SGCD: variants seen among roughly 807,000 people sequenced by gnomAD.
SGCD encodes delta-sarcoglycan.
In SGCD, 18 loss-of-function variants were observed where a neutral mutation model predicts 36.6. That is an observed-to-expected ratio of 0.49 (90% CI 0.34 to 0.73). The LOEUF is 0.73. SGCD is among the 30% of genes least tolerant of loss of function. The probability of loss-of-function intolerance (pLI) is 0.01; values close to 1 mark genes in which losing one functional copy is unlikely to be tolerated. For missense variants in SGCD, 387 were observed against 346.7 expected (o/e 1.12, Z -0.92); for synonymous variants, 133 against 130.6 (o/e 1.02, Z -0.12).
At chr5:155,771,212 T>C in the SGCD span, among the ~76,000 whole-genome samples, 5 of 152,078 alleles carry the variant, frequency 3.3e-5, no homozygotes, top group Non-Finnish European at 7.4e-5. Context: ...CCCTGCCATG[T>C]TGCAACTCTC....
chr5:156,500,606 A>G (rs1309410764), intron 3 of SGCD, among the ~76,000 whole-genome samples: 1 of 152,246 alleles, frequency 6.6e-6, no homozygotes, highest in East Asian at 1.9e-4. Flanking sequence ...AGATTTTATT[A>G]GTGGGAAAAA....
chr5:156,105,669 A>G (rs1761628291), intron 1 of SGCD, among the ~76,000 whole-genome samples: 1 of 152,180 alleles, frequency 6.6e-6, no homozygotes, highest in African/African-American at 2.4e-5. Flanking sequence ...ACGTGTAATC[A>G]AGTAAATTAT....
At chr5:156,376,017 T>C (rs954365094) in intron 3 of SGCD, among the ~76,000 whole-genome samples, 5 of 152,206 alleles carry the variant, frequency 3.3e-5, no homozygotes, top group African/African-American at 4.8e-5. Flanking sequence ...CAGTTATAGA[T>C]AGAAGATCAG....
the SGCD span, among the ~76,000 whole-genome samples, chr5:155,843,529 C>T: frequency 2.0e-5 from 3 of 152,192 alleles, no homozygotes; most frequent in African/African-American, 7.2e-5. Flanking sequence ...GCTGAATTGT[C>T]CTCACTTTAA....
chr5:155,915,914 T>G (rs1580988938), intron 1 of SGCD, among the ~76,000 whole-genome samples: 1 of 152,186 alleles, frequency 6.6e-6, no homozygotes, highest in Admixed American at 6.5e-5. Context: ...GTGGGTACGA[T>G]GTACCAAAAT....
At chr5:156,314,002 A>G (rs568828524) in intron 3 of SGCD, among the ~76,000 whole-genome samples, 1 of 152,126 alleles carries the variant, frequency 6.6e-6, no homozygotes, top group South Asian at 2.1e-4. Flanking sequence ...TTAGCCCACA[A>G]TTCCTGAAAA....
intron 4 of SGCD, among the ~76,000 whole-genome samples, chr5:156,565,255 C>T (rs1449487114): frequency 6.6e-6 from 1 of 152,134 alleles, no homozygotes; most frequent in Non-Finnish European, 1.5e-5. Flanking sequence ...TTAGTTTCCA[C>T]AGTAAGTAAT....
intron 3 of SGCD, among the ~76,000 whole-genome samples, chr5:156,467,822 G>C (rs1379417570): frequency 2.0e-5 from 3 of 152,206 alleles, no homozygotes; most frequent in African/African-American, 7.2e-5. Flanking sequence ...ACTATAGGTT[G>C]CTGTTCATAT....
chr5:156,193,597 G>A (rs1427505263), intron 3 of SGCD, among the ~76,000 whole-genome samples: 2 of 152,084 alleles, frequency 1.3e-5, no homozygotes, highest in African/African-American at 2.4e-5. Flanking sequence ...GTGTGCCCTG[G>A]ATGAACAGTG....
At chr5:156,096,467 A>G (rs184729068) in intron 1 of SGCD, among the ~76,000 whole-genome samples, 17 of 152,338 alleles carry the variant, frequency 1.1e-4, no homozygotes, top group African/African-American at 4.1e-4. Context: ...ATGGGTATGC[A>G]GGAAGGGTGA....
chr5:155,873,716 C>T (rs1755706506), intron 1 of SGCD, among the ~76,000 whole-genome samples: 1 of 152,074 alleles, frequency 6.6e-6, no homozygotes, highest in Non-Finnish European at 1.5e-5. Flanking sequence ...AGAACACATA[C>T]ATAATTTTTA....
chr5:156,121,204 A>C (rs905647397), intron 2 of SGCD, among the ~76,000 whole-genome samples: 1 of 152,188 alleles, frequency 6.6e-6, no homozygotes, highest in African/African-American at 2.4e-5. Flanking sequence ...ACATTTATGA[A>C]ATGTCATGCA....
chr5:155,888,508 C>T (rs79109423), intron 1 of SGCD, among the ~76,000 whole-genome samples: 11,237 of 152,068 alleles, frequency 0.074, 1,027 homozygotes, highest in African/African-American at 0.22. Context: ...GGAATAGGGA[C>T]GCAAAGAAGC....
chr5:155,917,473 T>G (rs111448081), intron 1 of SGCD, among the ~76,000 whole-genome samples: 14 of 152,326 alleles, frequency 9.2e-5, no homozygotes, highest in African/African-American at 3.4e-4. Context: ...GTACTTTGAA[T>G]AGTATGAGTG....
chr5:155,945,993 T>C lies in SGCD; in HGVS notation c.-282+75569T>C, dbSNP rs191601740. On this transcript the variant is annotated intron_variant, in intron 1 of 9. Transcript: ENST00000517913. Reference sequence around the variant, plus strand: ...GGGAGGTGGATGGATCGGAGAGATATACGAGGTAAAATGGGCAGAGCATTG... The same window carrying C: ...GGGAGGTGGATGGATCGGAGAGATACACGAGGTAAAATGGGCAGAGCATTG... Among the ~76,000 whole-genome samples, 80 of 152,264 alleles carry C rather than the reference T, an allele frequency of 5.3e-4. No individual in the cohort carries two copies. The Middle Eastern group carries it at 0.01, about 19-fold the overall frequency.
At chr5:156,213,277 A>G (rs1242567889) in intron 3 of SGCD, among the ~76,000 whole-genome samples, 1 of 151,976 alleles carries the variant, frequency 6.6e-6, no homozygotes, top group African/African-American at 2.4e-5. Flanking sequence ...AAAACTCAAT[A>G]TAGGAAATGA....
chr5:156,620,332 G>C (rs1426733141), intron 6 of SGCD, among the ~76,000 whole-genome samples: 1 of 152,180 alleles, frequency 6.6e-6, no homozygotes, highest in African/African-American at 2.4e-5. Flanking sequence ...ACCAAACTAA[G>C]TTCAGTGCAG....
At chr5:156,073,504 A>G (rs1760657478) in intron 1 of SGCD, among the ~76,000 whole-genome samples, 1 of 152,218 alleles carries the variant, frequency 6.6e-6, no homozygotes, top group Non-Finnish European at 1.5e-5. Flanking sequence ...TGGAGGCTGC[A>G]GGGAGCTGTG....
At chr5:155,847,031 A>AT in the SGCD span, among the ~76,000 whole-genome samples, 1 of 152,338 alleles carries the variant, frequency 6.6e-6, no homozygotes, top group Admixed American at 6.5e-5. Context: ...GGAAAAATTC[A>AT]TAATACCTTA....
Sources: gnomAD v4.1 joint callset for allele counts (sites outside exome capture counted in the v4.1 genomes callset) on GRCh38, gnomAD v4.1.1 for gene constraint, MANE v1.5 for transcripts, NCBI Gene and HGNC (gene_info 2026-07-23, HGNC 2026-07-21) for gene names.